EPHB1: variants seen among roughly 807,000 people sequenced by gnomAD.
EPHB1 encodes ephrin type-B receptor 1.
In EPHB1, 30 loss-of-function variants were observed where a neutral mutation model predicts 94.4. That is an observed-to-expected ratio of 0.32 (90% CI 0.24 to 0.43). EPHB1 has a LOEUF of 0.43. EPHB1 is among the 20% of genes least tolerant of loss of function. The pLI, the probability that EPHB1 is intolerant of heterozygous loss-of-function variation, is 1.00. For synonymous variants in EPHB1, 522 were observed against 489.1 expected (o/e 1.07, Z -0.89); for missense variants, 1,055 against 1,308.3 (o/e 0.81, Z 2.99).
Position 134,795,538 on chromosome 3 carries a change from C to A in EPHB1, c.-94C>A, listed in dbSNP as rs2035804558. 3 of 1,234,370 alleles carry A rather than the reference C, an allele frequency of 2.4e-6. No homozygotes were observed. Among genetic ancestry groups the A allele is most frequent in the Admixed American group, 4.7e-5 (2 of 42,956 alleles). The allele number at this position is 1,234,370 out of a possible 1,614,324, so 76.5% of individuals were successfully genotyped here. On this transcript the variant is annotated 5_prime_UTR_variant, in exon 1 of 16. Coordinates refer to ENST00000398015, the MANE Select transcript of EPHB1 (RefSeq NM_004441.5). Reference sequence around the variant, plus strand: ...GAGAGCGCGAAAGGATACCGAGAAGCCACCCGCGGAGAGCGCAGCGGCGCC... The same window carrying A: ...GAGAGCGCGAAAGGATACCGAGAAGACACCCGCGGAGAGCGCAGCGGCGCC...
intron 3 of EPHB1, among the ~76,000 whole-genome samples, chr3:135,043,072 G>A (rs973710745): frequency 3.3e-5 from 5 of 151,848 alleles, no homozygotes; most frequent in Non-Finnish European, 7.4e-5. Flanking sequence ...GAACTCCTGA[G>A]CTCAAGCAAT....
Position 135,166,975 on chromosome 3 carries a change from C to A in EPHB1, c.1728C>A (p.Ser576Arg). ...CTTATAGCAAAGAGGCTGTGTACAGCGATAAGCTCCAGCATTACAGCACAG... is the reference window on the plus strand; with the variant it reads ...CTTATAGCAAAGAGGCTGTGTACAGAGATAAGCTCCAGCATTACAGCACAG... ...KRAYSKEAVY[S>R]DKLQHYSTGR... is the part of the protein sequence containing the mutation. Residue 576 changes from serine (S) to arginine (R), a missense_variant, in exon 9 of 16, where the codon AGC (serine) becomes AGA (arginine). Physicochemically the swap from Ser to Arg is moderately radical, Grantham distance 110 (BLOSUM62 -1). Transcript: ENST00000398015. 1 of 1,614,090 alleles carries A rather than the reference C, an allele frequency of 6.2e-7. No homozygotes were observed. Among genetic ancestry groups the A allele is most frequent in the Non-Finnish European group, 8.5e-7 (1 of 1,179,992 alleles).
At position 134,827,484 on chromosome 3, in the gene EPHB1, C is replaced by T. The variant is rs541163315; in HGVS notation, c.58+31795C>T. On this transcript the variant is annotated intron_variant, in intron 1 of 15. Coordinates refer to ENST00000398015, the MANE Select transcript of EPHB1 (RefSeq NM_004441.5). ...ATTTAAGATGCTATTGGGACTGTTC[C>T]TCTGTCTTCAGCCCCACTTCCTCTG... is the stretch of plus-strand genomic sequence containing the variant. 1.7e-4 allele frequency among the ~76,000 whole-genome samples: 26 copies of T among 152,318 alleles called. No homozygotes were observed. The South Asian group carries it at 5.2e-3, about 30-fold the overall frequency.
At chr3:134,905,607 G>T (rs568755765) in intron 1 of EPHB1, among the ~76,000 whole-genome samples, 1 of 152,342 alleles carries the variant, frequency 6.6e-6, no homozygotes, top group Non-Finnish European at 1.5e-5. Flanking sequence ...AAGGCAGCAG[G>T]TGGTGAGGTG....
chr3:134,875,115 T>G (rs1376152119), intron 1 of EPHB1, among the ~76,000 whole-genome samples: 4 of 152,196 alleles, frequency 2.6e-5, no homozygotes, highest in Non-Finnish European at 4.4e-5. Context: ...TTATGGTGCT[T>G]GCTGGCACCC....
intron 3 of EPHB1, among the ~76,000 whole-genome samples, chr3:134,955,044 G>T (rs1933196790): frequency 7.1e-6 from 1 of 139,946 alleles, no homozygotes; most frequent in African/African-American, 2.6e-5. Flanking sequence ...GGGCTCCTTG[G>T]CCTAAGGCCT....
chr3:135,081,826 A>G (rs1403232546), intron 3 of EPHB1, among the ~76,000 whole-genome samples: 1 of 152,136 alleles, frequency 6.6e-6, no homozygotes, highest in Non-Finnish European at 1.5e-5. Flanking sequence ...ATGGATGCAG[A>G]GTCAGGGCCA....
chr3:134,819,677 C>T (rs2036343909), intron 1 of EPHB1, among the ~76,000 whole-genome samples: 1 of 152,166 alleles, frequency 6.6e-6, no homozygotes, highest in Admixed American at 6.5e-5. Flanking sequence ...CCTGCACATC[C>T]CTGTGCCTCC....
chr3:135,249,325 T>C lies in EPHB1; in HGVS notation c.2691-11T>C, dbSNP rs1468414281. 2 of 1,606,504 alleles carry C rather than the reference T, an allele frequency of 1.2e-6. No individual in the cohort carries two copies. The highest frequency in any genetic ancestry group is 1.7e-6 in the Non-Finnish European group (2 of 1,176,662). ...CAATGTGTGGTCACCTGCCCATCTC[T>C]GTCTCACCAGGCCTTCCCAGCCCCT... is the stretch of plus-strand genomic sequence containing the variant. On this transcript the variant is annotated splice_polypyrimidine_tract_variant and intron_variant, in intron 14 of 15. Transcript: ENST00000398015.
intron 2 of EPHB1, among the ~76,000 whole-genome samples, chr3:134,934,372 T>G (rs1425532844): frequency 6.6e-6 from 1 of 152,084 alleles, no homozygotes; most frequent in African/African-American, 2.4e-5. Flanking sequence ...CTCCTCCAAG[T>G]GATGGAAGGC....
chr3:134,903,948 T>C (rs75514000), intron 1 of EPHB1, among the ~76,000 whole-genome samples: 2,123 of 152,242 alleles, frequency 0.014, 53 homozygotes, highest in African/African-American at 0.047. Flanking sequence ...ATTGGTTGTT[T>C]CTGTAATGTT....
intron 6 of EPHB1, among the ~76,000 whole-genome samples, chr3:135,159,143 G>A (rs1941442508): frequency 6.6e-6 from 1 of 152,106 alleles, no homozygotes; most frequent in African/African-American, 2.4e-5. Context: ...TCTCCATCCT[G>A]CATCCTCTGT....
At chr3:135,078,492 C>T (rs573293292) in intron 3 of EPHB1, among the ~76,000 whole-genome samples, 20 of 152,364 alleles carry the variant, frequency 1.3e-4, no homozygotes, top group Non-Finnish European at 2.4e-4. Flanking sequence ...TCTGTCCACC[C>T]TCTTGCGCCC....
intron 1 of EPHB1, among the ~76,000 whole-genome samples, chr3:134,902,502 A>G (rs1012470350): frequency 6.6e-6 from 1 of 152,242 alleles, no homozygotes; most frequent in Non-Finnish European, 1.5e-5. Flanking sequence ...ATTTTAATAT[A>G]TGCAATAAAA....
intron 1 of EPHB1, among the ~76,000 whole-genome samples, chr3:134,885,131 C>A (rs1441259649): frequency 3.9e-5 from 6 of 152,070 alleles, no homozygotes; most frequent in Admixed American, 3.3e-4. Context: ...TTAAAAGGTC[C>A]AAATAGAACA....
chr3:134,838,845 T>C (rs544955651), intron 1 of EPHB1, among the ~76,000 whole-genome samples: 1 of 152,322 alleles, frequency 6.6e-6, no homozygotes, highest in Admixed American at 6.5e-5. Flanking sequence ...GAGACTGCTT[T>C]CCAGAATGCA....
chr3:135,002,466 G>A (rs1935220290), intron 3 of EPHB1, among the ~76,000 whole-genome samples: 1 of 152,224 alleles, frequency 6.6e-6, no homozygotes, highest in African/African-American at 2.4e-5. Flanking sequence ...AATGATGCTG[G>A]CCTCATAAAA....
intron 12 of EPHB1, among the ~76,000 whole-genome samples, chr3:135,229,172 C>T (rs935621816): frequency 3.9e-5 from 6 of 152,220 alleles, no homozygotes; most frequent in African/African-American, 1.4e-4. Context: ...GAGAGCAGGG[C>T]TCATGCAGGG....
At chr3:134,985,766 C>T (rs1934574182) in intron 3 of EPHB1, among the ~76,000 whole-genome samples, 1 of 152,118 alleles carries the variant, frequency 6.6e-6, no homozygotes, top group South Asian at 2.1e-4. Flanking sequence ...TCTTTTAGTT[C>T]ACTGAGGCTC....
Sources: allele counts gnomAD v4.1 joint callset (sites outside exome capture counted in the v4.1 genomes callset), GRCh38; gene constraint gnomAD v4.1.1; transcripts MANE v1.5; gene names NCBI Gene and HGNC (gene_info 2026-07-23, HGNC 2026-07-21).